ABR: variants seen among roughly 807,000 people sequenced by gnomAD.
ABR encodes active breakpoint cluster region-related protein.
A neutral mutation model predicts 107.2 loss-of-function variants in ABR; 35 were observed. That is an observed-to-expected ratio of 0.33 (90% CI 0.25 to 0.43). The LOEUF is 0.43. Ranked by LOEUF, ABR falls within the 20% of genes least tolerant of loss-of-function variation. ABR has a pLI of 1.00. For synonymous variants in ABR, 498 were observed against 462.0 expected, an observed-to-expected ratio of 1.08 and a Z score of -1.00; for missense variants, 815 against 1,115.2, an observed-to-expected ratio of 0.73 and a Z score of 3.83.
intron 1 of ABR, among the ~76,000 whole-genome samples, chr17:1,146,619 CTGCCACCACTGCCACA>C (rs782085430): frequency 0.54 from 77,770 of 143,116 alleles, 21,469 homozygotes; most frequent in African/African-American, 0.59. Context: ...CATGACACCA[CTGCCACCACTGCCACA>C]TGCCACCACT....
rs2032290114 is a variant in ABR at position 1,050,120 on chromosome 17, T to C, written c.1721A>G (p.Tyr574Cys). 3.1e-6 allele frequency: 5 copies of C among 1,614,038 alleles called. No homozygotes were observed. In the South Asian group the frequency reaches 3.3e-5, roughly 11 times the overall value. ...GTCCTTGTTGACCTTGGTCTTGTCA[T>C]AGCACTTCTCATAGCACAGGATCCT... is the stretch of plus-strand genomic sequence containing the variant. ...SLRILCYEKC[Y>C]DKTKVNKDNN... is the part of the protein sequence containing the mutation. Residue 574 changes from tyrosine (Y) to cysteine (C), a missense_variant, in exon 16 of 23, where the codon TAT (tyrosine) becomes TGT (cysteine). Around this residue, in one of 5 missense-constraint regions of ABR, gnomAD observed 92 missense variants for 82.3 expected, o/e 1.12. Coordinates refer to ENST00000302538, the MANE Select transcript of ABR (RefSeq NM_021962.5). The surrounding 1 kb of genome is among the most constrained non-coding windows in gnomAD (Gnocchi z 4.6).
chr17:1,182,557 G>A (rs919656356), upstream of ABR, among the ~76,000 whole-genome samples: 4 of 152,070 alleles, frequency 2.6e-5, no homozygotes, highest in Admixed American at 6.6e-5. Context: ...TAGTAGAGAC[G>A]GGGTTTCACC....
intron 12 of ABR, 82 bp downstream of exon 12, chr17:1,057,888 T>C: frequency 7.7e-7 from 1 of 1,291,312 alleles, no homozygotes; most frequent in Non-Finnish European, 1.1e-6. Flanking sequence ...GACGTGATAC[T>C]GGACATGAAA....
At chr17:1,101,979 C>T (rs1041252463) in intron 2 of ABR, among the ~76,000 whole-genome samples, 1 of 152,052 alleles carries the variant, frequency 6.6e-6, no homozygotes, top group African/African-American at 2.4e-5. Context: ...GTGATCCGCC[C>T]GCCTTGGCCT....
upstream of ABR, among the ~76,000 whole-genome samples, chr17:1,189,732 C>T (rs934134079): frequency 6.6e-6 from 1 of 152,182 alleles, no homozygotes; most frequent in Non-Finnish European, 1.5e-5. Context: ...TCCCGACCCA[C>T]CAGACCAGGA....
At chr17:1,180,504 G>C (rs932962491), upstream of ABR, among the ~76,000 whole-genome samples, 3 of 152,208 alleles carry the variant, frequency 2.0e-5, no homozygotes, top group Admixed American at 2.0e-4. Context: ...ACACATGGAG[G>C]GGGGCGGGTG....
intron 11 of ABR, 133 bp downstream of exon 11, chr17:1,058,612 G>T: frequency 3.2e-6 from 4 of 1,238,680 alleles, no homozygotes; most frequent in Non-Finnish European, 4.4e-6. Context: ...GTCAACAGCT[G>T]GAGCCATGGC....
intron 1 of ABR, among the ~76,000 whole-genome samples, chr17:1,198,880 G>A (rs888267003): frequency 1.4e-5 from 2 of 148,022 alleles, no homozygotes; most frequent in African/African-American, 5.1e-5. Flanking sequence ...GGATCCGCCC[G>A]CCTCAGCCTC....
chr17:1,107,567 G>A (rs1426191236), intron 2 of ABR, among the ~76,000 whole-genome samples: 2 of 152,220 alleles, frequency 1.3e-5, no homozygotes, highest in Non-Finnish European at 2.9e-5. Context: ...CCACATCTGT[G>A]CTGGGGGCTT....
chr17:1,163,101 G>T (rs1298771882), intron 1 of ABR, among the ~76,000 whole-genome samples: 1 of 152,156 alleles, frequency 6.6e-6, no homozygotes, highest in Admixed American at 6.6e-5. Flanking sequence ...TTAATCTTTT[G>T]CTCCATTAAT....
intron 16 of ABR, among the ~76,000 whole-genome samples, chr17:1,045,008 G>A (rs765501130): frequency 2.1e-4 from 32 of 152,152 alleles, no homozygotes; most frequent in Admixed American, 5.2e-4. Context: ...AGAAAAGGAG[G>A]TTTATAATAA....
rs377575008 is a variant in ABR at position 1,134,386 on chromosome 17, G to C, written c.62-9019C>G. On this transcript the variant is annotated intron_variant, in intron 1 of 22. Transcript: ENST00000302538. ...GAGATTGTAGCACTGCACTCCAGCC[G>C]GGGCAACAGAGCAAGACTCCCTCTC... 1.5e-3 allele frequency among the ~76,000 whole-genome samples: 222 copies of C among 151,694 alleles called. 2 individuals are homozygous for C. Among genetic ancestry groups the C allele is most frequent in the African/African-American group, 5.0e-3 (205 of 41,324 alleles).
chr17:1,041,074 C>T (rs1200806034), intron 16 of ABR, among the ~76,000 whole-genome samples: 2 of 152,148 alleles, frequency 1.3e-5, no homozygotes, highest in Non-Finnish European at 2.9e-5. Context: ...AGCGCACCAT[C>T]ACGCCCGGCT....
chr17:1,039,102 CT>C (rs1806244882), intron 16 of ABR, among the ~76,000 whole-genome samples: 1 of 152,140 alleles, frequency 6.6e-6, no homozygotes, highest in African/African-American at 2.4e-5. Context: ...CTGAGAACAC[CT>C]TTTTTTGGTC....
chr17:1,089,788 C>T (rs2036894727), intron 4 of ABR, among the ~76,000 whole-genome samples: 2 of 152,156 alleles, frequency 1.3e-5, no homozygotes, highest in Non-Finnish European at 2.9e-5. Context: ...GGCGAAACCC[C>T]GTCTCTACTA....
intron 16 of ABR, 26 bp from the exon 17 acceptor site, chr17:1,013,190 G>C: frequency 1.2e-6 from 2 of 1,612,334 alleles, no homozygotes; most frequent in Non-Finnish European, 1.7e-6. Context: ...GTGGGTGAGA[G>C]AGGTGCCAGC....
chr17:1,018,348 CT>C (rs2071365429), intron 16 of ABR, among the ~76,000 whole-genome samples: 1 of 152,164 alleles, frequency 6.6e-6, no homozygotes, highest in Admixed American at 6.5e-5. Context: ...GGCCCGGGCC[CT>C]TATTTTTTAA....
chr17:1,220,285 C>T (rs561735833), intron 1 of ABR, among the ~76,000 whole-genome samples: 24 of 134,338 alleles, frequency 1.8e-4, no homozygotes, highest in East Asian at 1.0e-3. Context: ...AGCGAGACTC[C>T]GTCTAAAAAA....
At chr17:1,146,929 G>C (rs2040581643) in intron 1 of ABR, among the ~76,000 whole-genome samples, 1 of 152,148 alleles carries the variant, frequency 6.6e-6, no homozygotes. Context: ...CCACTGCCCT[G>C]GCCACAGAGC....
Sources: gnomAD v4.1 joint callset for allele counts (sites outside exome capture counted in the v4.1 genomes callset) on GRCh38, gnomAD v4.1.1 for gene constraint, gnomAD v4.1.1 regional missense constraint, Gnocchi (gnomAD v3.1) non-coding constraint, MANE v1.5 for transcripts, NCBI Gene and HGNC (gene_info 2026-07-23, HGNC 2026-07-21) for gene names.